The following MIER2 variants were observed in gnomAD, a reference collection of about 807,000 sequenced individuals.
The protein encoded by MIER2 is MIER family member 2.
A neutral mutation model predicts 67.6 loss-of-function variants in MIER2; 30 were observed. That is an observed-to-expected ratio of 0.44 (90% CI 0.33 to 0.60). The LOEUF (loss-of-function observed/expected upper bound fraction) is 0.60, where lower values mean the gene tolerates loss of function less well. Ranked by LOEUF, MIER2 falls within the 20% of genes least tolerant of loss-of-function variation. The pLI is 0.02. For synonymous variants in MIER2, 372 were observed against 312.6 expected, an observed-to-expected ratio of 1.19 and a Z score of -2.00; for missense variants, 702 against 745.1, an observed-to-expected ratio of 0.94 and a Z score of 0.67.
chr19:334,542 A>T lies in MIER2; in HGVS notation c.101T>A (p.Val34Glu). 2 of 1,613,638 alleles carry T rather than the reference A, an allele frequency of 1.2e-6. No homozygotes were observed. The change falls in exon 3 of 14, where the codon GTG (valine) becomes GAG (glutamate). Residue 34 changes from valine (V) to glutamate (E), a missense_variant and splice_region_variant. By Grantham distance (121) the Val-to-Glu change is moderately radical. Around this residue, in one of 3 missense-constraint regions of MIER2, gnomAD observed 320 missense variants for 292.6 expected, o/e 1.09. Transcript: ENST00000264819. The part of the protein sequence containing the change: ...PGEPGLQTTA[V>E]VSMGSGDHQF... ...ATGGTCTCCAGAGCCCATGGACACCACTGGGGAGAAGAGAGCAGCCCAGGT... is the reference window on the plus strand; with the variant it reads ...ATGGTCTCCAGAGCCCATGGACACCTCTGGGGAGAAGAGAGCAGCCCAGGT...
At chr19:344,129 CG>C (rs1972630398) in intron 1 of MIER2, 2 of 985,420 alleles carry the variant, frequency 2.0e-6, no homozygotes, top group East Asian at 1.1e-4. Flanking sequence ...ACTTCGTGCC[CG>C]GGAGAGGCTG....
Position 308,652 on chromosome 19 carries a change from C to G in MIER2, c.1123G>C (p.Asp375His). 1.2e-6 allele frequency: 2 copies of G among 1,603,716 alleles called. No individual in the cohort carries two copies. The highest frequency in any genetic ancestry group is 1.7e-6 in the Non-Finnish European group (2 of 1,176,518). The change falls in exon 12 of 14, where the codon GAC becomes CAC. Residue 375 changes from aspartate (D) to histidine (H), a missense_variant. Coordinates refer to ENST00000264819, the MANE Select transcript of MIER2 (RefSeq NM_017550.3). This position sits in a 1 kb window ranked among gnomAD's most constrained non-coding sequence, Gnocchi z 9.1. ...VPSGTTDADQ[D>H]LDGSDPDGPG... is the part of the protein sequence containing the mutation. ...CCATCGGGGTCGCTGCCATCCAGGTCCTGGTCTGCGTCCCTGTGGGGAGAG... is the reference window on the plus strand; with the variant it reads ...CCATCGGGGTCGCTGCCATCCAGGTGCTGGTCTGCGTCCCTGTGGGGAGAG...
intron 2 of MIER2, among the ~76,000 whole-genome samples, chr19:335,050 A>G (rs1322735632): frequency 6.6e-6 from 1 of 152,230 alleles, no homozygotes; most frequent in Non-Finnish European, 1.5e-5. Flanking sequence ...GGCCACATGA[A>G]GAAGACATGC....
chr19:307,659 C>T, intron 12 of MIER2, 123 bp from the exon 13 acceptor site: 1 of 1,079,360 alleles, frequency 9.3e-7, no homozygotes, highest in Non-Finnish European at 1.3e-6. Flanking sequence ...AGCCTCCACA[C>T]AAATACAAAA....
intron 5 of MIER2, chr19:326,813 G>T: frequency 1.7e-6 from 1 of 588,652 alleles, no homozygotes; most frequent in Non-Finnish European, 3.0e-6. Flanking sequence ...GCACCTCTGG[G>T]CCCCGAGCCC....
Position 305,899 on chromosome 19 carries a change from C to A in MIER2, c.*791G>T, listed in dbSNP as rs1240516239. On this transcript the variant is annotated 3_prime_UTR_variant, in exon 14 of 14. Transcript: ENST00000264819. ...GGCTGGAGTCTGGCCCCTGCGTGGC[C>A]AGCAGGGCCGGCTCCTCCGGAGGCT... The A allele has an allele frequency of 2.0e-5, 3 of 152,286 alleles. No individual in the cohort carries two copies. Among genetic ancestry groups the A allele is most frequent in the Non-Finnish European group, 4.4e-5 (3 of 68,042 alleles). 9.4% of individuals were successfully genotyped at this position (152,286 alleles called of 1,614,324 possible). A position where few individuals can be genotyped will look rare whatever the true frequency, so the allele number is the denominator to read the frequency against.
At chr19:313,363 C>T (rs1194907262) in intron 8 of MIER2, 129 bp downstream of exon 8, 19 of 1,430,972 alleles carry the variant, frequency 1.3e-5, no homozygotes, top group Admixed American at 4.4e-5. Flanking sequence ...TTCCAGTGCC[C>T]TGGCCCCCAC....
At chr19:329,963 G>C (rs563873076) in intron 3 of MIER2, among the ~76,000 whole-genome samples, 1 of 152,122 alleles carries the variant, frequency 6.6e-6, no homozygotes, top group Admixed American at 6.5e-5. Context: ...GAGGGCGTGG[G>C]AAGCATGCAG....
At chr19:334,578 C>A (rs759192363) in intron 2 of MIER2, 36 bp from the exon 3 acceptor site, 3 of 1,602,178 alleles carry the variant, frequency 1.9e-6, no homozygotes, top group Non-Finnish European at 2.6e-6. Context: ...GAGCACCGTG[C>A]CTCGCCTGTC....
chr19:340,914 G>C (rs781314108), intron 1 of MIER2, among the ~76,000 whole-genome samples: 1 of 152,140 alleles, frequency 6.6e-6, no homozygotes, highest in African/African-American at 2.4e-5. Flanking sequence ...AAGGGGCCAC[G>C]GGACTGGAAG....
At chr19:327,090 AG>A (rs746782534) in intron 5 of MIER2, 42 bp downstream of exon 5, 2 of 1,554,914 alleles carry the variant, frequency 1.3e-6, no homozygotes, top group Admixed American at 2.2e-5. Context: ...ACTGCCTGGC[AG>A]GGGGCCTGGC....
At chr19:333,789 C>T (rs973282538) in intron 3 of MIER2, among the ~76,000 whole-genome samples, 61 of 146,112 alleles carry the variant, frequency 4.2e-4, no homozygotes, top group African/African-American at 1.4e-3. Context: ...CCCGGGTTCA[C>T]GTCATTCTCC....
intron 7 of MIER2, among the ~76,000 whole-genome samples, chr19:317,698 C>T (rs1045151575): frequency 5.4e-5 from 8 of 147,088 alleles, no homozygotes; most frequent in Non-Finnish European, 9.0e-5. Context: ...TCACTGCACT[C>T]CAGCCTGGGC....
At chr19:309,244 G>T (rs1272316697) in intron 10 of MIER2, among the ~76,000 whole-genome samples, 1 of 151,934 alleles carries the variant, frequency 6.6e-6, no homozygotes, top group Admixed American at 6.6e-5. Flanking sequence ...TCTGTCTACT[G>T]CTCACCCACC....
At chr19:324,913 G>A (rs193147042) in intron 7 of MIER2, among the ~76,000 whole-genome samples, 14 of 152,324 alleles carry the variant, frequency 9.2e-5, no homozygotes, top group Non-Finnish European at 1.3e-4. Flanking sequence ...TCCTGGCTCC[G>A]TCCTCTTCTC....
At chr19:311,701 G>A in intron 10 of MIER2, 144 bp downstream of exon 10, 1 of 707,362 alleles carries the variant, frequency 1.4e-6, no homozygotes, top group East Asian at 2.7e-5. Flanking sequence ...AAATGCAGAA[G>A]ACAGCAATGG....
rs1211905104 is a variant in MIER2, at chr19:344,787, G to C, written c.-5C>G. 9 of 1,197,080 alleles carry C rather than the reference G, an allele frequency of 7.5e-6. No homozygotes were observed. Among genetic ancestry groups the C allele is most frequent in the African/African-American group, 1.6e-5 (1 of 62,978 alleles). 74.2% of individuals were successfully genotyped at this position (1,197,080 alleles called of 1,614,324 possible). A position where few individuals can be genotyped will look rare whatever the true frequency, so the allele number is the denominator to read the frequency against. ...CCGCTCACTCACCTCCGCCATGGCC[G>C]TGTGTGCGCGGGAGGCGGTGGCCGC... On this transcript the variant is annotated 5_prime_UTR_variant, in exon 1 of 14. Transcript: ENST00000264819.
At chr19:321,141 ACT>A (rs1568225692) in intron 7 of MIER2, among the ~76,000 whole-genome samples, 1 of 152,090 alleles carries the variant, frequency 6.6e-6, no homozygotes. Context: ...CTTCACTGAC[ACT>A]CTACACACAT....
chr19:311,897 T>G lies in MIER2; in HGVS notation c.932A>C (p.Glu311Ala). 1 of 1,614,048 alleles carries G rather than the reference T, an allele frequency of 6.2e-7. No homozygotes were observed. Among genetic ancestry groups the G allele is most frequent in the Non-Finnish European group, 8.5e-7 (1 of 1,179,954 alleles). Residue 311 changes from glutamate (E) to alanine (A), a missense_variant, in exon 10 of 14, where the codon GAG becomes GCG. Transcript: ENST00000264819. ...CTTTCCATGCACACGGAAGCCGTGC[T>G]CAAAGTTCCTGCACTCCTCTTCACT... ...AWSEEECRNF[E>A]HGFRVHGKNF...
Sources: allele counts gnomAD v4.1 joint callset (sites outside exome capture counted in the v4.1 genomes callset), GRCh38; gene constraint gnomAD v4.1.1; regional missense constraint gnomAD v4.1.1; non-coding constraint Gnocchi (gnomAD v3.1); transcripts MANE v1.5; gene names NCBI Gene and HGNC (gene_info 2026-07-23, HGNC 2026-07-21).